Variants in PALS2 observed in about 807,000 individuals in gnomAD.
PALS2 encodes the protein protein associated with LIN7 2, MAGUK p55 family member, also known as protein PALS2.
PALS2 carries 27 observed loss-of-function variants against 61.6 expected under a neutral mutation model. The ratio of observed to expected loss-of-function variants is 0.44; its 90% CI spans 0.32 to 0.60. The LOEUF is 0.60. Among genes scored for constraint, PALS2 ranks in the 20% least tolerant of loss-of-function variants. PALS2 has a pLI of 0.05. For missense variants in PALS2, 554 were observed against 639.4 expected (o/e 0.87, Z 1.44); for synonymous variants, 236 against 218.6 (o/e 1.08, Z -0.70).
At chr7:24,653,388 T>C (rs1178564195) in intron 5 of PALS2, among the ~76,000 whole-genome samples, 2 of 92,762 alleles carry the variant, frequency 2.2e-5, no homozygotes, top group African/African-American at 1.3e-4. Context: ...GCCTTAATTT[T>C]ATTACAAAAA....
chr7:24,653,391 T>A (rs1786257500), intron 5 of PALS2, among the ~76,000 whole-genome samples: 2 of 88,906 alleles, frequency 2.2e-5, no homozygotes, highest in African/African-American at 7.2e-5. Flanking sequence ...TTAATTTTAT[T>A]ACAAAAAAAA....
intron 2 of PALS2, among the ~76,000 whole-genome samples, chr7:24,629,199 C>T (rs1784881815): frequency 6.6e-6 from 1 of 152,232 alleles, no homozygotes; most frequent in East Asian, 1.9e-4. Flanking sequence ...CATCTACAAC[C>T]ATCTGGTCTT....
chr7:24,685,974 C>T (rs138981730), intron 11 of PALS2, among the ~76,000 whole-genome samples: 142 of 152,274 alleles, frequency 9.3e-4, no homozygotes, highest in African/African-American at 3.3e-3. Context: ...CAGTCGCCTG[C>T]TGTACATCTC....
chr7:24,665,310 A>G (rs1466382612), intron 6 of PALS2, among the ~76,000 whole-genome samples: 1 of 152,180 alleles, frequency 6.6e-6, no homozygotes, highest in African/African-American at 2.4e-5. Context: ...TTCCTTTTCT[A>G]ACTTAGTATC....
chr7:24,668,636 A>G lies in PALS2; in HGVS notation c.1090A>G (p.Thr364Ala), dbSNP rs149616663. The change falls in exon 9 of 12, where the codon ACT (threonine) becomes GCT (alanine). Residue 364 changes from threonine (T) to alanine (A), a missense_variant. Physicochemically the swap from Thr to Ala is moderately conservative, Grantham distance 58. Coordinates refer to ENST00000222644, the MANE Select transcript of PALS2 (RefSeq NM_001303037.2). ...AAACAGGTTCATAGTATTGAATCCC[A>G]CTAGATTTGGAACTACGGTGCCATG... is the stretch of plus-strand genomic sequence containing the variant. ...LKNRFIVLNP[T>A]RFGTTVPFTS... 1.9e-5 allele frequency: 31 copies of G among 1,613,816 alleles called. No homozygotes were observed. In the African/African-American group the frequency reaches 3.9e-4, roughly 20 times the overall value.
At chr7:24,675,354 T>G (rs1188802997) in intron 9 of PALS2, among the ~76,000 whole-genome samples, 1 of 150,350 alleles carries the variant, frequency 6.7e-6, no homozygotes, top group Non-Finnish European at 1.5e-5. Context: ...GCCTTAGAAG[T>G]TTTTTTATTT....
At position 24,600,681 on chromosome 7, in the gene PALS2, A is replaced by G. The variant is rs1297593596; in HGVS notation, c.-2-22985A>G. 2.6e-5 allele frequency among the ~76,000 whole-genome samples: 4 copies of G among 152,282 alleles called. No individual in the cohort carries two copies. In the East Asian group the frequency reaches 7.7e-4, roughly 29 times the overall value. On this transcript the variant is annotated intron_variant, in intron 1 of 11. Coordinates refer to ENST00000222644, the MANE Select transcript of PALS2 (RefSeq NM_001303037.2). Reference sequence around the variant, plus strand: ...AAGAATAGCCATTTAACTATTTTTTATAGGTTTTTAAATTATAGTTTTTAC... The same window carrying G: ...AAGAATAGCCATTTAACTATTTTTTGTAGGTTTTTAAATTATAGTTTTTAC...
At chr7:24,626,891 A>G (rs187380398) in intron 2 of PALS2, among the ~76,000 whole-genome samples, 1 of 152,300 alleles carries the variant, frequency 6.6e-6, no homozygotes, top group Non-Finnish European at 1.5e-5. Context: ...AGAGACCTAC[A>G]GAGACTTAGA....
At chr7:24,643,243 G>A (rs932948828) in intron 3 of PALS2, among the ~76,000 whole-genome samples, 3 of 152,044 alleles carry the variant, frequency 2.0e-5, no homozygotes, top group Middle Eastern at 3.2e-3. Context: ...AGGTTTTCAG[G>A]AATGCTACTT....
chr7:24,582,505 C>T (rs1298060875), intron 1 of PALS2, among the ~76,000 whole-genome samples: 1 of 151,902 alleles, frequency 6.6e-6, no homozygotes, highest in Non-Finnish European at 1.5e-5. Flanking sequence ...GTATTACCAG[C>T]TTAGTGCTTG....
intron 2 of PALS2, among the ~76,000 whole-genome samples, chr7:24,628,925 A>G (rs1784866616): frequency 6.6e-6 from 1 of 152,158 alleles, no homozygotes; most frequent in Non-Finnish European, 1.5e-5. Context: ...CCAAAGTAAT[A>G]TATAATCTCA....
intron 2 of PALS2, among the ~76,000 whole-genome samples, chr7:24,633,778 G>A (rs750728904): frequency 1.3e-5 from 2 of 152,064 alleles, no homozygotes; most frequent in East Asian, 3.9e-4. Flanking sequence ...AGGTAACTGT[G>A]TTTCATTGAG....
chr7:24,658,548 T>C (rs1786541863), intron 5 of PALS2, among the ~76,000 whole-genome samples: 1 of 140,416 alleles, frequency 7.1e-6, no homozygotes, highest in African/African-American at 2.8e-5. Context: ...ATATTCTTTT[T>C]TTTTCTTCCA....
At position 24,666,065 on chromosome 7, in the gene PALS2, A is replaced by T; in HGVS notation, c.928A>T (p.Met310Leu). ...AAGTAGCAAAAAAAAGAAAAAGATG[A>T]TGTATCTCACAACCAGAAATGCAGG... Reference protein sequence around the residue: ...TISSKKKKKMMYLTTRNAEFD... With the variant: ...TISSKKKKKMLYLTTRNAEFD... Residue 310 changes from methionine (M) to leucine (L), a missense_variant, in exon 8 of 12, where the codon ATG becomes TTG. Met to Leu is a conservative substitution (Grantham distance 15, BLOSUM62 2). Transcript: ENST00000222644. 3.7e-6 allele frequency: 6 copies of T among 1,611,822 alleles called. No homozygotes were observed. Among genetic ancestry groups the T allele is most frequent in the Non-Finnish European group, 5.1e-6 (6 of 1,178,618 alleles).
At chr7:24,574,209 A>C (rs957612832) in intron 1 of PALS2, 25 of 152,138 alleles carry the variant, frequency 1.6e-4, no homozygotes, top group African/African-American at 5.6e-4. Flanking sequence ...TGTTTGGCCA[A>C]AGTGGCTGTG....
At chr7:24,647,755 G>GT (rs1274493802) in intron 3 of PALS2, among the ~76,000 whole-genome samples, 2 of 152,144 alleles carry the variant, frequency 1.3e-5, no homozygotes. Context: ...TAACAAATGA[G>GT]TTTTTTCAGT....
intron 1 of PALS2, among the ~76,000 whole-genome samples, chr7:24,580,033 G>C (rs1189168884): frequency 6.6e-6 from 1 of 152,084 alleles, no homozygotes; most frequent in Non-Finnish European, 1.5e-5. Context: ...GAGCAGACTG[G>C]GGGCCATATG....
Position 24,623,659 on chromosome 7 carries a change from T to C in PALS2, c.-2-7T>C, listed in dbSNP as rs1784615653. 6.6e-7 allele frequency: 1 copy of C among 1,514,760 alleles called. No individual in the cohort carries two copies. Among genetic ancestry groups the C allele is most frequent in the African/African-American group, 1.4e-5 (1 of 71,282 alleles). The allele number at this position is 1,514,760 out of a possible 1,614,324, so 93.8% of individuals were successfully genotyped here. ...TGTTTGTTTTTATGTTGCTTTTATC[T>C]CAGCAGCAATGCAGCAAGTCTTGGA... On this transcript the variant is annotated splice_polypyrimidine_tract_variant and splice_region_variant and intron_variant, in intron 1 of 11. Transcript: ENST00000222644.
chr7:24,679,397 G>C (rs1260289391), intron 10 of PALS2, 64 bp downstream of exon 10: 2 of 1,549,480 alleles, frequency 1.3e-6, no homozygotes, highest in Non-Finnish European at 1.8e-6. Flanking sequence ...TTTCATGTGT[G>C]TCGGGGTTGT....
Sources: allele counts gnomAD v4.1 joint callset (sites outside exome capture counted in the v4.1 genomes callset), GRCh38; gene constraint gnomAD v4.1.1; transcripts MANE v1.5; gene names NCBI Gene and HGNC (gene_info 2026-07-23, HGNC 2026-07-21).